The following PTBP2 variants were observed in gnomAD, a reference collection of about 807,000 sequenced individuals.
PTBP2 encodes the protein polypyrimidine tract-binding protein 2.
PTBP2 carries 13 observed loss-of-function variants against 61.4 expected under a neutral mutation model. That is an observed-to-expected ratio of 0.21 (90% CI 0.14 to 0.34). PTBP2 has a LOEUF of 0.34. PTBP2 is among the 10% of genes least tolerant of loss of function. The pLI, the probability that PTBP2 is intolerant of heterozygous loss-of-function variation, is 1.00. For synonymous variants in PTBP2, 215 were observed against 218.5 expected (o/e 0.98, Z 0.14); for missense variants, 405 against 642.6 (o/e 0.63, Z 4.00).
exon 14 of PTBP2, chr1:96,821,424 T>C (rs2101322921): frequency 6.6e-6 from 1 of 151,838 alleles, no homozygotes; most frequent in African/African-American, 2.4e-5. Context: ...TAAGAAGAGG[T>C]TGGTTTCAGT....
chr1:96,730,872 A>G (rs1651300438), intron 2 of PTBP2, among the ~76,000 whole-genome samples: 1 of 152,156 alleles, frequency 6.6e-6, no homozygotes, highest in African/African-American at 2.4e-5. Flanking sequence ...ACTTTCAGGG[A>G]TTATTGTCCA....
chr1:96,794,183 C>T (rs1242075492), intron 8 of PTBP2, among the ~76,000 whole-genome samples: 1 of 152,166 alleles, frequency 6.6e-6, no homozygotes, highest in Non-Finnish European at 1.5e-5. Flanking sequence ...TACTTGAAGA[C>T]CTCTCTTGTA....
chr1:96,768,543 G>A (rs182555919), intron 3 of PTBP2, among the ~76,000 whole-genome samples: 1 of 152,016 alleles, frequency 6.6e-6, no homozygotes, highest in African/African-American at 2.4e-5. Context: ...ATATCCTTGA[G>A]ATCCTAAAAG....
chr1:96,785,984 A>G (rs758132668), intron 8 of PTBP2, among the ~76,000 whole-genome samples: 3 of 152,178 alleles, frequency 2.0e-5, no homozygotes, highest in Non-Finnish European at 4.4e-5. Context: ...ATAAGTTAAG[A>G]TGGAATTTTA....
intron 8 of PTBP2, among the ~76,000 whole-genome samples, chr1:96,796,303 A>AT (rs1335468457): frequency 6.6e-6 from 1 of 151,922 alleles, no homozygotes; most frequent in Admixed American, 6.6e-5. Context: ...AAAAAAAAAA[A>AT]AAAGAAGTAG....
chr1:96,728,114 G>A (rs1650851422), intron 2 of PTBP2, among the ~76,000 whole-genome samples: 2 of 152,080 alleles, frequency 1.3e-5, no homozygotes, highest in African/African-American at 4.8e-5. Context: ...AGCCTCCCAA[G>A]TAGCTAGGAC....
chr1:96,806,358 G>A (rs1051928577), intron 9 of PTBP2, 61 bp from the exon 10 acceptor site: 1 of 1,299,426 alleles, frequency 7.7e-7, no homozygotes, highest in South Asian at 1.2e-5. Context: ...GTTCATCTCC[G>A]CTCTTCCTCG....
chr1:96,803,898 C>T (rs1286584190), intron 8 of PTBP2, among the ~76,000 whole-genome samples: 4 of 151,994 alleles, frequency 2.6e-5, no homozygotes, highest in African/African-American at 9.7e-5. Flanking sequence ...CTTGAGTGAA[C>T]CAGTATTTAT....
intron 2 of PTBP2, among the ~76,000 whole-genome samples, chr1:96,734,355 T>G (rs1028374826): frequency 3.3e-5 from 5 of 152,184 alleles, no homozygotes; most frequent in African/African-American, 1.2e-4. Context: ...TTTTAAAATA[T>G]AATCAAAAGA....
intron 8 of PTBP2, among the ~76,000 whole-genome samples, chr1:96,801,734 G>A (rs1052716638): frequency 1.3e-5 from 2 of 151,756 alleles, no homozygotes; most frequent in Admixed American, 6.6e-5. Context: ...GGTAGTGGGT[G>A]CCTGTAGTCT....
chr1:96,801,793 G>A (rs1661018969), intron 8 of PTBP2, among the ~76,000 whole-genome samples: 1 of 151,202 alleles, frequency 6.6e-6, no homozygotes, highest in African/African-American at 2.4e-5. Flanking sequence ...GCTGGGAGGT[G>A]GAGGTTGCAG....
At chr1:96,823,212 C>CA (rs1177179349) in exon 14 of PTBP2, 1 of 152,302 alleles carries the variant, frequency 6.6e-6, no homozygotes, top group Admixed American at 6.5e-5. Context: ...CTACCTGCCT[C>CA]AGCCTTCTAA....
chr1:96,758,242 A>G (rs1340661990), intron 3 of PTBP2, among the ~76,000 whole-genome samples: 2 of 152,088 alleles, frequency 1.3e-5, no homozygotes, highest in African/African-American at 2.4e-5. Flanking sequence ...CTTAACAGCT[A>G]TATACTACTG....
At chr1:96,734,528 A>T (rs569987701) in intron 2 of PTBP2, among the ~76,000 whole-genome samples, 7 of 151,532 alleles carry the variant, frequency 4.6e-5, no homozygotes, top group African/African-American at 1.7e-4. Context: ...ACAGGTCGTT[A>T]TTACCTCTTA....
intron 8 of PTBP2, among the ~76,000 whole-genome samples, chr1:96,788,744 A>C (rs779517188): frequency 6.6e-6 from 1 of 152,078 alleles, no homozygotes; most frequent in Non-Finnish European, 1.5e-5. Context: ...TACTTGACTG[A>C]ATTTAATTAC....
intron 8 of PTBP2, among the ~76,000 whole-genome samples, chr1:96,804,512 T>C (rs376439679): frequency 1.2e-3 from 183 of 152,326 alleles, no homozygotes; most frequent in African/African-American, 4.4e-3. Flanking sequence ...TTTTCATGCT[T>C]TGTTTGCTTT....
At chr1:96,739,246 G>C (rs1264557631) in intron 2 of PTBP2, among the ~76,000 whole-genome samples, 1 of 151,966 alleles carries the variant, frequency 6.6e-6, no homozygotes, top group East Asian at 1.9e-4. Context: ...ATTAAACCCT[G>C]ATATTTTCTT....
chr1:96,809,983 C>T (rs1423339010), intron 11 of PTBP2, among the ~76,000 whole-genome samples: 1 of 151,882 alleles, frequency 6.6e-6, no homozygotes, highest in Non-Finnish European at 1.5e-5. Flanking sequence ...AGACAAACAT[C>T]TAAAGATTGA....
At chr1:96,794,127 ATACT>A (rs1557762164) in intron 8 of PTBP2, among the ~76,000 whole-genome samples, 1 of 152,178 alleles carries the variant, frequency 6.6e-6, no homozygotes, top group Non-Finnish European at 1.5e-5. Flanking sequence ...TCATTTGTTA[ATACT>A]TACTTTCCAT....
Sources: allele counts gnomAD v4.1 joint callset (sites outside exome capture counted in the v4.1 genomes callset), GRCh38; gene constraint gnomAD v4.1.1; transcripts MANE v1.5; gene names NCBI Gene and HGNC (gene_info 2026-07-23, HGNC 2026-07-21).